Variants in RCBTB1 observed in about 807,000 individuals in gnomAD.
RCBTB1 encodes RCC1 and BTB domain-containing protein 1.
RCBTB1 carries 46 observed loss-of-function variants against 62.4 expected under a neutral mutation model. That is an observed-to-expected ratio of 0.74 (90% CI 0.58 to 0.94). The LOEUF (loss-of-function observed/expected upper bound fraction) is 0.94. Among genes scored for constraint, RCBTB1 ranks in the 40% least tolerant of loss-of-function variants. RCBTB1 has a pLI of 0.00. For missense variants in RCBTB1, 565 were observed against 654.9 expected (o/e 0.86, Z 1.50); for synonymous variants, 222 against 245.8 (o/e 0.90, Z 0.91).
chr13:49,538,966 T>G (rs1042421871), intron 12 of RCBTB1, among the ~76,000 whole-genome samples: 2 of 151,518 alleles, frequency 1.3e-5, no homozygotes, highest in African/African-American at 4.9e-5. Flanking sequence ...CCCTCCCAGA[T>G]TCAAGCAATT....
At chr13:49,541,589 CT>C (rs1258059708) in intron 11 of RCBTB1, 86 bp downstream of exon 11, 4 of 1,319,350 alleles carry the variant, frequency 3.0e-6, no homozygotes, top group African/African-American at 1.5e-5. Context: ...GCCAATACAC[CT>C]GAAGCTTTTT....
chr13:49,550,376 C>T (rs117687337), intron 8 of RCBTB1: 2 of 908,592 alleles, frequency 2.2e-6, no homozygotes, highest in Non-Finnish European at 1.3e-6. Flanking sequence ...GGACTCTGAA[C>T]GTTCCAATCC....
At chr13:49,543,659 G>A (rs942904574) in intron 10 of RCBTB1, among the ~76,000 whole-genome samples, 23 of 152,066 alleles carry the variant, frequency 1.5e-4, no homozygotes, top group Admixed American at 1.2e-3. Flanking sequence ...ACTAATAAAC[G>A]CATAGGTCCC....
intron 12 of RCBTB1, among the ~76,000 whole-genome samples, chr13:49,536,105 G>C (rs570954882): frequency 1.3e-5 from 2 of 151,856 alleles, no homozygotes; most frequent in African/African-American, 4.8e-5. Flanking sequence ...ATACACTCAT[G>C]AAAATGGTTC....
chr13:49,534,095 T>C lies in RCBTB1; in HGVS notation c.*27A>G. 6.2e-7 allele frequency: 1 copy of C among 1,607,970 alleles called. No individual in the cohort carries two copies. The stretch of plus-strand genomic sequence containing the variant: ...CATCCTCAACAGTGCCCCAGAGCAC[T>C]CACACAGAACCCAGCAGCCTTGCGC... On this transcript the variant is annotated 3_prime_UTR_variant, in exon 13 of 13. Transcript: ENST00000378302.
chr13:49,566,884 A>G, intron 3 of RCBTB1, 116 bp from the exon 4 acceptor site: 1 of 1,011,310 alleles, frequency 9.9e-7, no homozygotes, highest in Non-Finnish European at 1.4e-6. Flanking sequence ...GTGAAAAGAG[A>G]CTGATATGGT....
chr13:49,556,618 C>A (rs752424028), intron 5 of RCBTB1, among the ~76,000 whole-genome samples: 13 of 152,130 alleles, frequency 8.5e-5, no homozygotes, highest in African/African-American at 7.2e-5. Context: ...CCCTGCTTCA[C>A]GTGGCTGCAG....
chr13:49,574,615 T>C (rs190124695), intron 2 of RCBTB1, among the ~76,000 whole-genome samples: 58 of 150,990 alleles, frequency 3.8e-4, no homozygotes, highest in Non-Finnish European at 2.2e-4. Flanking sequence ...ATTATTAATA[T>C]AAAATTAAAT....
intron 2 of RCBTB1, among the ~76,000 whole-genome samples, chr13:49,568,654 A>AG (rs869131937): frequency 3.1e-4 from 8 of 25,712 alleles, no homozygotes; most frequent in Non-Finnish European, 7.6e-4. Flanking sequence ...AGGCCGGGGG[A>AG]GGGGGGTGGC....
intron 6 of RCBTB1, among the ~76,000 whole-genome samples, chr13:49,553,030 A>C (rs1048853378): frequency 5.3e-4 from 80 of 152,246 alleles, no homozygotes; most frequent in African/African-American, 1.8e-3. Flanking sequence ...AAAAATACAA[A>C]AATTAGCTGG....
intron 6 of RCBTB1, among the ~76,000 whole-genome samples, chr13:49,553,966 G>C (rs1391741282): frequency 6.6e-6 from 1 of 152,124 alleles, no homozygotes; most frequent in African/African-American, 2.4e-5. Context: ...GTCTATAACA[G>C]CAAAAAATTA....
At chr13:49,582,025 T>C (rs528612772) in intron 1 of RCBTB1, among the ~76,000 whole-genome samples, 2 of 152,388 alleles carry the variant, frequency 1.3e-5, no homozygotes, top group African/African-American at 4.8e-5. Flanking sequence ...TCACAGAATG[T>C]GATAGAGTTG....
intron 2 of RCBTB1, among the ~76,000 whole-genome samples, chr13:49,573,464 T>C (rs530466751): frequency 0.012 from 1,820 of 151,450 alleles, 38 homozygotes; most frequent in African/African-American, 0.041. Flanking sequence ...TTTTTTTTTT[T>C]TGAGATGGAG....
intron 5 of RCBTB1, among the ~76,000 whole-genome samples, chr13:49,559,447 G>C (rs1276365688): frequency 6.6e-6 from 1 of 152,092 alleles, no homozygotes; most frequent in East Asian, 1.9e-4. Flanking sequence ...ACGAGGTCAG[G>C]AGATCGAGAC....
chr13:49,541,890 T>C (rs1220850225), intron 10 of RCBTB1, 63 bp from the exon 11 acceptor site: 1 of 1,510,448 alleles, frequency 6.6e-7, no homozygotes, highest in Admixed American at 2.1e-5. Flanking sequence ...AAAAAAAAAT[T>C]ACCTAATTAA....
intron 9 of RCBTB1, chr13:49,547,266 T>A: frequency 2.0e-6 from 2 of 988,296 alleles, no homozygotes; most frequent in Non-Finnish European, 2.7e-6. Flanking sequence ...AAGGCAAGCT[T>A]AACTCTTCCT....
At position 49,546,267 on chromosome 13, in the gene RCBTB1, C is replaced by T. The variant is rs921986130; in HGVS notation, c.1046-1404G>A. 13 of 985,260 alleles carry T rather than the reference C, an allele frequency of 1.3e-5. No individual in the cohort carries two copies. The African/African-American group carries it at 2.3e-4, about 17-fold the overall frequency. 61.0% of individuals were successfully genotyped at this position (985,260 alleles called of 1,614,324 possible). A position where few individuals can be genotyped will look rare whatever the true frequency, so the allele number is the denominator to read the frequency against. ...ACATCCTTTCAGAGAAGAAATCCTC[C>T]TCAAAGGGGTGAATTCACCATGTGA... On this transcript the variant is annotated intron_variant, in intron 9 of 12. Coordinates refer to ENST00000378302, the MANE Select transcript of RCBTB1 (RefSeq NM_018191.4).
rs66529613 is a variant in RCBTB1, at chr13:49,573,448, C to CTTT, written c.-41-6131_-41-6129dup. Among the ~76,000 whole-genome samples the CTTT allele has an allele frequency of 3.2e-4, 41 of 130,094 alleles. 3 individuals carry two copies. The highest frequency in any genetic ancestry group is 8.1e-4 in the African/African-American group (28 of 34,512). The allele number at this position is 130,094 out of a possible 152,430, so 85.3% of individuals were successfully genotyped here. On this transcript the variant is annotated intron_variant, in intron 2 of 12. Transcript: ENST00000378302. Reference sequence around the variant, plus strand: ...TTAGAAATTAGATACAATTCCTCATCTTTTTTTTTTTTTTTTTGAGATGGA... The same window carrying CTTT: ...TTAGAAATTAGATACAATTCCTCATCTTTTTTTTTTTTTTTTTTTTGAGATGGA...
At chr13:49,576,923 A>G (rs1963824642) in intron 2 of RCBTB1, among the ~76,000 whole-genome samples, 1 of 152,186 alleles carries the variant, frequency 6.6e-6, no homozygotes, top group Non-Finnish European at 1.5e-5. Flanking sequence ...AGAGGTAGAA[A>G]GAGTGTAACG....
Sources: gnomAD v4.1 joint callset for allele counts (sites outside exome capture counted in the v4.1 genomes callset) on GRCh38, gnomAD v4.1.1 for gene constraint, MANE v1.5 for transcripts, NCBI Gene and HGNC (gene_info 2026-07-23, HGNC 2026-07-21) for gene names.